The following INPP4B variants were observed in gnomAD, a reference collection of about 807,000 sequenced individuals.
INPP4B encodes inositol polyphosphate 4-phosphatase type II.
A neutral mutation model predicts 122.5 loss-of-function variants in INPP4B; 55 were observed. The ratio of observed to expected loss-of-function variants is 0.45; its 90% confidence interval spans 0.36 to 0.56. The LOEUF (loss-of-function observed/expected upper bound fraction) is 0.56. Ranked by LOEUF, INPP4B falls within the 20% of genes least tolerant of loss-of-function variation. The pLI is 0.00. For missense variants in INPP4B, 1,000 were observed against 1,097.7 expected, an observed-to-expected ratio of 0.91 and a Z score of 1.26; for synonymous variants, 403 against 388.7, an observed-to-expected ratio of 1.04 and a Z score of -0.43.
intron 25 of INPP4B, among the ~76,000 whole-genome samples, chr4:142,078,102 G>A (rs939994193): frequency 1.3e-5 from 2 of 151,824 alleles, no homozygotes; most frequent in African/African-American, 2.4e-5. Flanking sequence ...AATCTGAAGA[G>A]GCATTTATGC....
chr4:142,407,224 GCT>G (rs1184199304), intron 5 of INPP4B, among the ~76,000 whole-genome samples: 2 of 152,194 alleles, frequency 1.3e-5, no homozygotes, highest in Non-Finnish European at 2.9e-5. Flanking sequence ...ACAGTAAACA[GCT>G]CTTTTTCCGT....
chr4:142,691,937 A>G (rs1296812761), intron 2 of INPP4B, among the ~76,000 whole-genome samples: 3 of 152,194 alleles, frequency 2.0e-5, no homozygotes, highest in Non-Finnish European at 4.4e-5. Context: ...AGAGAAACTA[A>G]GACACTCCCC....
chr4:142,773,673 C>T (rs761897591), intron 1 of INPP4B, among the ~76,000 whole-genome samples: 1 of 152,084 alleles, frequency 6.6e-6, no homozygotes, highest in African/African-American at 2.4e-5. Flanking sequence ...TTTCTGTATT[C>T]CTGAGGTTCT....
intron 7 of INPP4B, among the ~76,000 whole-genome samples, chr4:142,375,706 C>A (rs1405626050): frequency 2.0e-5 from 3 of 151,932 alleles, no homozygotes; most frequent in Non-Finnish European, 1.5e-5. Context: ...ATAAAGCAAA[C>A]ATAAGGCCTT....
chr4:142,280,539 G>A (rs183652891), intron 9 of INPP4B, among the ~76,000 whole-genome samples: 16 of 151,938 alleles, frequency 1.1e-4, no homozygotes, highest in African/African-American at 3.6e-4. Flanking sequence ...GGTTGGTGTG[G>A]GTGTGAAGGG....
intron 17 of INPP4B, among the ~76,000 whole-genome samples, chr4:142,151,492 T>C (rs973722399): frequency 2.0e-5 from 3 of 152,208 alleles, no homozygotes; most frequent in Admixed American, 1.3e-4. Flanking sequence ...CCTGGCCTTA[T>C]CTGGGAAAGG....
intron 25 of INPP4B, among the ~76,000 whole-genome samples, chr4:142,044,208 A>G (rs1438056363): frequency 6.6e-6 from 1 of 152,164 alleles, no homozygotes; most frequent in Admixed American, 6.6e-5. Flanking sequence ...GAGAGGATCT[A>G]TGCCATGGAT....
chr4:142,101,393 T>C (rs1784405522), intron 23 of INPP4B, among the ~76,000 whole-genome samples: 1 of 152,112 alleles, frequency 6.6e-6, no homozygotes, highest in Non-Finnish European at 1.5e-5. Flanking sequence ...AAATCACCAC[T>C]ATGAAGGAAA....
chr4:142,566,736 T>C (rs1233335898), intron 2 of INPP4B, among the ~76,000 whole-genome samples: 1 of 152,196 alleles, frequency 6.6e-6, no homozygotes, highest in African/African-American at 2.4e-5. Flanking sequence ...AGAAGTTTCT[T>C]TGGCCCATAT....
intron 14 of INPP4B, among the ~76,000 whole-genome samples, chr4:142,206,829 C>A (rs1287755318): frequency 6.6e-6 from 1 of 151,920 alleles, no homozygotes; most frequent in Non-Finnish European, 1.5e-5. Flanking sequence ...AGATCTACCC[C>A]CTCAGCAATT....
intron 2 of INPP4B, among the ~76,000 whole-genome samples, chr4:142,550,178 G>A (rs995495429): frequency 6.6e-6 from 1 of 152,154 alleles, no homozygotes; most frequent in Non-Finnish European, 1.5e-5. Flanking sequence ...GGTGGTCATA[G>A]GTCAGGTTAT....
intron 2 of INPP4B, among the ~76,000 whole-genome samples, chr4:142,653,113 G>A (rs1470162646): frequency 1.3e-5 from 2 of 151,972 alleles, no homozygotes; most frequent in East Asian, 1.9e-4. Flanking sequence ...GACAAAAACA[G>A]GAAATGGGGA....
chr4:142,494,707 T>C (rs896004208), intron 2 of INPP4B, among the ~76,000 whole-genome samples: 3 of 152,194 alleles, frequency 2.0e-5, no homozygotes, highest in African/African-American at 7.2e-5. Context: ...GTAATATGCA[T>C]TTTTCCCTAG....
intron 1 of INPP4B, among the ~76,000 whole-genome samples, chr4:142,761,125 A>T (rs2150973640): frequency 6.6e-6 from 1 of 152,034 alleles, no homozygotes; most frequent in Non-Finnish European, 1.5e-5. Context: ...CACAATATGG[A>T]CCTAATTATT....
At chr4:142,777,191 G>A (rs1774055262) in intron 1 of INPP4B, among the ~76,000 whole-genome samples, 2 of 152,088 alleles carry the variant, frequency 1.3e-5, no homozygotes, top group South Asian at 2.1e-4. Context: ...CCGCCTTGTG[G>A]TGTTAAGACC....
rs556078471 is a variant in INPP4B, at chr4:142,770,796, A to G, written c.-253-44895T>C. On this transcript the variant is annotated intron_variant, in intron 1 of 25. Coordinates refer to ENST00000262992, the MANE Select transcript of INPP4B (RefSeq NM_001101669.3). ...GATACAAGTGTGGTATCCGCTTCCA[A>G]GGGGCTCACAGTCAAGCATAAGAAA... 1.3e-3 allele frequency among the ~76,000 whole-genome samples: 202 copies of G among 152,202 alleles called. 1 individual carries two copies. Among genetic ancestry groups the G allele is most frequent in the African/African-American group, 4.7e-3 (196 of 41,548 alleles).
At chr4:142,122,488 T>TG (rs1223722521) in intron 20 of INPP4B, among the ~76,000 whole-genome samples, 6 of 150,552 alleles carry the variant, frequency 4.0e-5, no homozygotes, top group African/African-American at 1.5e-4. Context: ...ACATTTGCTG[T>TG]GAGGCTGGAG....
At chr4:142,292,584 T>A (rs1756904279) in intron 9 of INPP4B, among the ~76,000 whole-genome samples, 1 of 152,166 alleles carries the variant, frequency 6.6e-6, no homozygotes, top group Non-Finnish European at 1.5e-5. Context: ...TTTAAATCCT[T>A]TCCCTGAGAG....
intron 6 of INPP4B, 53 bp from the exon 7 acceptor site, chr4:142,403,107 G>A: frequency 1.1e-6 from 1 of 948,480 alleles, no homozygotes; most frequent in Non-Finnish European, 1.7e-6. Flanking sequence ...AACTGTAGTT[G>A]GCAGCACGCA....
Sources: allele counts gnomAD v4.1 joint callset (sites outside exome capture counted in the v4.1 genomes callset), GRCh38; gene constraint gnomAD v4.1.1; transcripts MANE v1.5; gene names NCBI Gene and HGNC (gene_info 2026-07-23, HGNC 2026-07-21).